The following KIAA0319 variants were observed in gnomAD, a reference collection of about 807,000 sequenced individuals.
KIAA0319 encodes the protein KIAA0319, also known as dyslexia-associated protein KIAA0319.
In KIAA0319, 83 loss-of-function variants were observed where a neutral mutation model predicts 108.4. The ratio of observed to expected loss-of-function variants is 0.77; its 90% CI spans 0.64 to 0.92. KIAA0319 has a LOEUF of 0.92. Ranked by LOEUF, KIAA0319 falls within the 40% of genes least tolerant of loss-of-function variation. The pLI is 0.00. For missense variants in KIAA0319, 1,195 were observed against 1,322.4 expected (o/e 0.90, Z 1.49); for synonymous variants, 484 against 510.4 (o/e 0.95, Z 0.70).
In KIAA0319 at chr6:24,569,908, G is replaced by C. The variant is rs773644570; in HGVS notation, c.1986C>G (p.His662Gln). ...DHGIVFYHWEHVRGPSAVEME... is the reference protein window; with the variant it reads ...DHGIVFYHWEQVRGPSAVEME... Reference sequence around the variant, plus strand: ...TCAGTGGCGAGACAGACTACCTGACGTGCTCCCAGTGGTAGAAGACAATGC... The same window carrying C: ...TCAGTGGCGAGACAGACTACCTGACCTGCTCCCAGTGGTAGAAGACAATGC... Residue 662 changes from histidine (H) to glutamine (Q), a missense_variant, in exon 12 of 21, where the codon CAC becomes CAG. By Grantham distance (24) the His-to-Gln change is conservative. Transcript: ENST00000378214. 1 of 1,614,016 alleles carries C rather than the reference G, an allele frequency of 6.2e-7. No homozygotes were observed. Among genetic ancestry groups the C allele is most frequent in the East Asian group, 2.2e-5 (1 of 44,888 alleles).
At chr6:24,593,744 G>A (rs954817615) in intron 3 of KIAA0319, among the ~76,000 whole-genome samples, 1 of 151,778 alleles carries the variant, frequency 6.6e-6, no homozygotes, top group Non-Finnish European at 1.5e-5. Flanking sequence ...AAGAACTAAT[G>A]AGCCAAAAGA....
At position 24,602,718 on chromosome 6, in the gene KIAA0319, G is replaced by A. The variant is rs1023468270; in HGVS notation, c.-105-1510C>T. ...CGGGAGGCTGAGGCAGGAGAATGGC[G>A]TGAATCCGGGAGGCGGAGCTTGCAG... On this transcript the variant is annotated intron_variant, in intron 1 of 20. Coordinates refer to ENST00000378214, the MANE Select transcript of KIAA0319 (RefSeq NM_014809.4). Among the ~76,000 whole-genome samples, 7 of 152,194 alleles carry A rather than the reference G, an allele frequency of 4.6e-5. No individual in the cohort carries two copies. The East Asian group carries it at 5.8e-4, about 13-fold the overall frequency.
intron 1 of KIAA0319, among the ~76,000 whole-genome samples, chr6:24,610,479 G>T (rs1267877289): frequency 6.6e-6 from 1 of 152,192 alleles, no homozygotes; most frequent in Admixed American, 6.5e-5. Context: ...CATTGTTGGT[G>T]TGAATGTAAA....
intron 2 of KIAA0319, among the ~76,000 whole-genome samples, chr6:24,597,256 GTTAA>G (rs1246219600): frequency 1.3e-5 from 2 of 152,074 alleles, no homozygotes; most frequent in Non-Finnish European, 2.9e-5. Context: ...CTGTTTTATC[GTTAA>G]TTGATTTTAA....
At chr6:24,621,144 T>A (rs892889050) in intron 1 of KIAA0319, among the ~76,000 whole-genome samples, 1 of 152,234 alleles carries the variant, frequency 6.6e-6, no homozygotes, top group African/African-American at 2.4e-5. Flanking sequence ...TGATATTACT[T>A]ATTTAAGCCT....
chr6:24,558,853 CA>C (rs1287854025), intron 17 of KIAA0319, among the ~76,000 whole-genome samples, 159 bp downstream of exon 17: 3 of 152,182 alleles, frequency 2.0e-5, no homozygotes, highest in Non-Finnish European at 2.9e-5. Context: ...GAGTAGTTGG[CA>C]AATGCATGCT....
chr6:24,586,816 C>T (rs1767571325), intron 4 of KIAA0319, among the ~76,000 whole-genome samples: 1 of 152,022 alleles, frequency 6.6e-6, no homozygotes, highest in African/African-American at 2.4e-5. Context: ...CTTATTCTAT[C>T]CTCCTCCATA....
At chr6:24,601,708 A>G (rs538108277) in intron 1 of KIAA0319, among the ~76,000 whole-genome samples, 3 of 152,346 alleles carry the variant, frequency 2.0e-5, no homozygotes, top group African/African-American at 7.2e-5. Flanking sequence ...CAAAGTTGGA[A>G]GAAGGGATAA....
chr6:24,554,728 A>C, intron 18 of KIAA0319, 97 bp from the exon 19 acceptor site: 1 of 842,172 alleles, frequency 1.2e-6, no homozygotes, highest in Middle Eastern at 2.4e-4. Flanking sequence ...AATCCCTACA[A>C]GGAAAGGCCA....
At chr6:24,573,787 C>T (rs926105354) in intron 10 of KIAA0319, among the ~76,000 whole-genome samples, 1 of 151,738 alleles carries the variant, frequency 6.6e-6, no homozygotes, top group Non-Finnish European at 1.5e-5. Context: ...TTTTTTTAAC[C>T]ACAAGAGGCA....
At chr6:24,629,000 G>A (rs1582313852) in intron 1 of KIAA0319, among the ~76,000 whole-genome samples, 1 of 152,126 alleles carries the variant, frequency 6.6e-6, no homozygotes, top group Non-Finnish European at 1.5e-5. Flanking sequence ...GGGACACCAC[G>A]CAACCCATAA....
intron 3 of KIAA0319, among the ~76,000 whole-genome samples, chr6:24,591,729 C>T (rs1768502129): frequency 6.6e-6 from 1 of 152,158 alleles, no homozygotes; most frequent in Non-Finnish European, 1.5e-5. Context: ...TTTATTCTAG[C>T]CATCTAGTAG....
chr6:24,557,239 C>T (rs149185188), intron 17 of KIAA0319, among the ~76,000 whole-genome samples: 106 of 151,992 alleles, frequency 7.0e-4, no homozygotes, highest in Middle Eastern at 3.4e-3. Context: ...CGGTTGCTCA[C>T]GCCTGTAATC....
intron 2 of KIAA0319, chr6:24,598,597 T>A (rs1770111294): frequency 8.1e-6 from 3 of 369,860 alleles, no homozygotes; most frequent in Non-Finnish European, 1.1e-5. Flanking sequence ...TACAGAAGGG[T>A]GGGTGCGGTG....
intron 1 of KIAA0319, among the ~76,000 whole-genome samples, chr6:24,621,513 T>C (rs989805114): frequency 1.3e-5 from 2 of 152,166 alleles, no homozygotes; most frequent in Non-Finnish European, 2.9e-5. Flanking sequence ...ATTGGCATCA[T>C]TAAGAAAATC....
intron 1 of KIAA0319, among the ~76,000 whole-genome samples, chr6:24,610,781 C>CA (rs887631247): frequency 3.6e-4 from 53 of 145,300 alleles, no homozygotes; most frequent in East Asian, 1.4e-3. Flanking sequence ...TCCCTCAAAA[C>CA]AAAAAAAAAA....
intron 6 of KIAA0319, among the ~76,000 whole-genome samples, chr6:24,581,791 G>A (rs1766586670): frequency 6.6e-6 from 1 of 152,208 alleles, no homozygotes; most frequent in Admixed American, 6.5e-5. Context: ...CCATCTGCCT[G>A]CCTACTTGCA....
At chr6:24,643,064 A>G (rs1226127247) in intron 1 of KIAA0319, among the ~76,000 whole-genome samples, 3 of 152,216 alleles carry the variant, frequency 2.0e-5, no homozygotes, top group Non-Finnish European at 4.4e-5. Flanking sequence ...GGCAGGCAGG[A>G]TAATTCTACA....
downstream of KIAA0319, among the ~76,000 whole-genome samples, chr6:24,543,226 A>G (rs192922208): frequency 2.2e-4 from 33 of 152,336 alleles, no homozygotes; most frequent in Middle Eastern, 6.8e-3. Context: ...CAGTACTACC[A>G]TATATGAAAC....
Sources: gnomAD v4.1 joint callset for allele counts (sites outside exome capture counted in the v4.1 genomes callset) on GRCh38, gnomAD v4.1.1 for gene constraint, MANE v1.5 for transcripts, NCBI Gene and HGNC (gene_info 2026-07-23, HGNC 2026-07-21) for gene names.